GSKIP: variants seen among roughly 807,000 people sequenced by gnomAD.
The protein encoded by GSKIP is GSK3B interacting protein, also known as GSK3B-interacting protein.
GSKIP carries 5 observed loss-of-function variants against 11.9 expected under a neutral mutation model. That is an observed-to-expected ratio of 0.42 (90% CI 0.22 to 0.89). The LOEUF is 0.89. GSKIP is among the 40% of genes least tolerant of loss of function. The pLI is 0.29. For synonymous variants in GSKIP, 70 were observed against 62.9 expected (o/e 1.11, Z -0.54); for missense variants, 150 against 166.6 (o/e 0.90, Z 0.55).
chr14:96,374,309 A>ATT (rs1422790034), intron 1 of GSKIP, among the ~76,000 whole-genome samples: 1 of 152,204 alleles, frequency 6.6e-6, no homozygotes, highest in Non-Finnish European at 1.5e-5. Flanking sequence ...TATACATAAA[A>ATT]TTAGAGTCCC....
intron 1 of GSKIP, among the ~76,000 whole-genome samples, chr14:96,370,672 C>A (rs534638871): frequency 1.4e-4 from 21 of 152,182 alleles, no homozygotes; most frequent in African/African-American, 4.6e-4. Context: ...CTATCTCCCC[C>A]ACCTCCACCC....
At position 96,375,430 on chromosome 14, in the gene GSKIP, T is replaced by C. The variant is rs569437059; in HGVS notation, c.-102-4258T>C. ...ATAAAGAAAAGAAATTTATTTCTTT[T>C]TCTCTCTTTTTTTTTTTTTTTGAGA... On this transcript the variant is annotated intron_variant, in intron 1 of 3. Transcript: ENST00000555181. Among the ~76,000 whole-genome samples the C allele has an allele frequency of 1.4e-3, 184 of 129,472 alleles. 2 individuals carry two copies. The highest frequency in any genetic ancestry group is 8.4e-3 in the East Asian group (40 of 4,750). The allele number at this position is 129,472 out of a possible 152,430, so 84.9% of individuals were successfully genotyped here. A position where few individuals can be genotyped will look rare whatever the true frequency, so the allele number is the denominator to read the frequency against.
chr14:96,375,965 C>T (rs570433770), intron 1 of GSKIP, among the ~76,000 whole-genome samples: 1 of 152,348 alleles, frequency 6.6e-6, no homozygotes, highest in African/African-American at 2.4e-5. Flanking sequence ...GATTAATCCA[C>T]TCTTTGGGTA....
intron 1 of GSKIP, among the ~76,000 whole-genome samples, chr14:96,375,887 C>T (rs1399941802): frequency 6.6e-6 from 1 of 152,178 alleles, no homozygotes; most frequent in Non-Finnish European, 1.5e-5. Context: ...TCACATCTTT[C>T]CCCCTCTTCT....
chr14:96,364,149 C>G (rs1376040875), intron 1 of GSKIP: 4 of 152,280 alleles, frequency 2.6e-5, no homozygotes, highest in Non-Finnish European at 5.9e-5. Flanking sequence ...TCTGCGCAAT[C>G]GTATTTCTGC....
At chr14:96,364,109 C>T (rs1299848193) in intron 1 of GSKIP, 5 of 152,304 alleles carry the variant, frequency 3.3e-5, no homozygotes, top group African/African-American at 1.2e-4. Flanking sequence ...CCGCCGGAAC[C>T]TGGGTGAAGA....
chr14:96,382,063 G>A (rs1566745588), intron 2 of GSKIP, among the ~76,000 whole-genome samples, 184 bp from the exon 3 acceptor site: 1 of 152,100 alleles, frequency 6.6e-6, no homozygotes, highest in Non-Finnish European at 1.5e-5. Flanking sequence ...AGATCTATGG[G>A]TGTCGGTGAT....
intron 3 of GSKIP, among the ~76,000 whole-genome samples, chr14:96,383,278 C>G (rs1423433672): frequency 6.6e-6 from 1 of 152,022 alleles, no homozygotes; most frequent in East Asian, 1.9e-4. Context: ...CCCAACATGG[C>G]AGCACTTGCC....
intron 2 of GSKIP, chr14:96,380,140 A>G (rs530995578): frequency 6.6e-6 from 1 of 152,284 alleles, no homozygotes; most frequent in African/African-American, 2.4e-5. Flanking sequence ...TACCCAACAG[A>G]TTGCTCCAGC....
intron 3 of GSKIP, among the ~76,000 whole-genome samples, chr14:96,384,285 A>G (rs1322614601): frequency 6.6e-6 from 1 of 152,140 alleles, no homozygotes; most frequent in African/African-American, 2.4e-5. Context: ...CAGAGATAAG[A>G]GGAAGAAGGC....
At chr14:96,364,185 G>A (rs905043265) in intron 1 of GSKIP, 2 of 152,280 alleles carry the variant, frequency 1.3e-5, no homozygotes, top group Admixed American at 1.3e-4. Flanking sequence ...TCCTGCAGAG[G>A]CGGAGCCGGC....
intron 1 of GSKIP, among the ~76,000 whole-genome samples, chr14:96,370,599 C>T (rs749391701): frequency 9.9e-5 from 15 of 152,090 alleles, no homozygotes; most frequent in Non-Finnish European, 2.1e-4. Context: ...CAGTTTCTGA[C>T]AGAACTGGTT....
intron 1 of GSKIP, among the ~76,000 whole-genome samples, chr14:96,374,525 A>C (rs1298960422): frequency 6.6e-6 from 1 of 152,170 alleles, no homozygotes; most frequent in Admixed American, 6.6e-5. Flanking sequence ...GATAGTCGAG[A>C]AACATCTTTT....
intron 1 of GSKIP, among the ~76,000 whole-genome samples, chr14:96,367,328 CCAGT>C (rs1888914686): frequency 6.6e-6 from 1 of 152,130 alleles, no homozygotes; most frequent in African/African-American, 2.4e-5. Context: ...AATTCTAGCC[CCAGT>C]CAGTCTGCTT....
rs28751912 is a variant in GSKIP at position 96,378,056 on chromosome 14, T to C, written c.-102-1632T>C. Among the ~76,000 whole-genome samples, 158 of 152,310 alleles carry C rather than the reference T, an allele frequency of 1.0e-3. 4 individuals are homozygous for C. Among genetic ancestry groups the C allele is most frequent in the African/African-American group, 3.5e-3 (145 of 41,568 alleles). ...ACCTTATGTTGCCCATCAAATGTGT[T>C]CACTGAAAATAAATTATGGCCAAGC... On this transcript the variant is annotated intron_variant, in intron 1 of 3. Coordinates refer to ENST00000555181, the MANE Select transcript of GSKIP (RefSeq NM_016472.5).
In GSKIP at chr14:96,386,338, C is replaced by T. The variant is rs906639992; in HGVS notation, c.*654C>T. On this transcript the variant is annotated 3_prime_UTR_variant, in exon 4 of 4. Coordinates refer to ENST00000555181, the MANE Select transcript of GSKIP (RefSeq NM_016472.5). ...CCAGCCAACTAAGCAGAGGATAAAC[C>T]GTTAGCAAATGAATGTAATAATTAC... 5 of 152,482 alleles carry T rather than the reference C, an allele frequency of 3.3e-5. No homozygotes were observed. The highest frequency in any genetic ancestry group is 4.8e-5 in the African/African-American group (2 of 41,414). The allele number at this position is 152,482 out of a possible 1,614,324, so 9.4% of individuals were successfully genotyped here. A position where few individuals can be genotyped will look rare whatever the true frequency, so the allele number is the denominator to read the frequency against.
At chr14:96,365,330 G>A (rs529993366) in intron 1 of GSKIP, 1 of 152,060 alleles carries the variant, frequency 6.6e-6, no homozygotes, top group Non-Finnish European at 1.5e-5. Flanking sequence ...AAGCTGGGAA[G>A]TGAGGCACAT....
At chr14:96,370,327 G>A (rs778344814) in intron 1 of GSKIP, among the ~76,000 whole-genome samples, 4 of 152,170 alleles carry the variant, frequency 2.6e-5, no homozygotes, top group Admixed American at 6.5e-5. Flanking sequence ...GGGATAGAAT[G>A]GTTGTATTTT....
chr14:96,366,568 T>G (rs1452812286), intron 1 of GSKIP, among the ~76,000 whole-genome samples: 1 of 152,140 alleles, frequency 6.6e-6, no homozygotes, highest in African/African-American at 2.4e-5. Context: ...TCACAAAATG[T>G]TAACACCTTG....
Sources: allele counts gnomAD v4.1 joint callset (sites outside exome capture counted in the v4.1 genomes callset), GRCh38; gene constraint gnomAD v4.1.1; transcripts MANE v1.5; gene names NCBI Gene and HGNC (gene_info 2026-07-23, HGNC 2026-07-21).